Variants in PKD1L1 observed in about 807,000 individuals in gnomAD.
The protein encoded by PKD1L1 is polycystin 1 like 1, transient receptor potential channel interacting, also known as polycystin-1-like protein 1.
In PKD1L1, 236 loss-of-function variants were observed where a neutral mutation model predicts 323.4. The ratio of observed to expected loss-of-function variants is 0.73; its 90% confidence interval spans 0.66 to 0.81. The LOEUF (loss-of-function observed/expected upper bound fraction) is 0.81. PKD1L1 is among the 40% of genes least tolerant of loss of function. The pLI, the probability that PKD1L1 is intolerant of heterozygous loss-of-function variation, is 0.00. For missense variants in PKD1L1, 3,320 were observed against 3,508.0 expected (o/e 0.95, Z 1.35); for synonymous variants, 1,344 against 1,335.0 (o/e 1.01, Z -0.15).
the PKD1L1 span, chr7:47,957,068 A>AT: frequency 2.3e-4 from 35 of 154,132 alleles, no homozygotes; most frequent in Non-Finnish European, 4.1e-4. Flanking sequence ...ACTGCAAGAC[A>AT]TTTGCTTTTG....
chr7:47,813,852 C>A, intron 48 of PKD1L1, 79 bp downstream of exon 48: 1 of 1,226,286 alleles, frequency 8.2e-7, no homozygotes, highest in African/African-American at 1.5e-5. Flanking sequence ...AAATGATCTG[C>A]CAGGGTCCTG....
intron 4 of PKD1L1, among the ~76,000 whole-genome samples, chr7:47,934,164 T>C (rs1245374299): frequency 6.6e-6 from 1 of 152,250 alleles, no homozygotes; most frequent in Non-Finnish European, 1.5e-5. Context: ...CATCAGCCTG[T>C]GTGCCCGCAG....
chr7:47,852,881 C>T (rs1201886944), intron 31 of PKD1L1, among the ~76,000 whole-genome samples: 2 of 152,072 alleles, frequency 1.3e-5, no homozygotes, highest in Non-Finnish European at 2.9e-5. Flanking sequence ...GCGCCAGAGA[C>T]CACCTGGGAA....
At chr7:47,901,477 G>T (rs1787088334) in intron 13 of PKD1L1, among the ~76,000 whole-genome samples, 1 of 152,142 alleles carries the variant, frequency 6.6e-6, no homozygotes, top group South Asian at 2.1e-4. Context: ...GCAGAGTCAG[G>T]ACGGGAGCCA....
At chr7:47,943,852 C>G (rs1239301669) in intron 1 of PKD1L1, among the ~76,000 whole-genome samples, 1 of 152,162 alleles carries the variant, frequency 6.6e-6, no homozygotes, top group Non-Finnish European at 1.5e-5. Context: ...GCTTCCAGGG[C>G]TCCTCTTCCT....
chr7:47,833,364 CG>C, intron 40 of PKD1L1, 112 bp from the exon 41 acceptor site: 1 of 1,262,700 alleles, frequency 7.9e-7, no homozygotes, highest in African/African-American at 1.5e-5. Context: ...CTGGCATGGG[CG>C]GGGTGTGGTG....
intron 4 of PKD1L1, among the ~76,000 whole-genome samples, chr7:47,932,759 T>C (rs1433548306): frequency 2.6e-5 from 4 of 152,174 alleles, no homozygotes; most frequent in African/African-American, 9.7e-5. Context: ...ATGGCTCCAA[T>C]GAGGTGAGTG....
chr7:47,855,003 G>A lies in PKD1L1; in HGVS notation c.4738C>T (p.Arg1580Trp), dbSNP rs762682035. ...RRNKTTFVLLRDKVNLHQFTE... is the reference protein window; with the variant it reads ...RRNKTTFVLLWDKVNLHQFTE... ...AACTGATGGAGATTCACTTTATCCC[G>A]AAGTAATACAAATGTCGTTTTATTT... is the stretch of plus-strand genomic sequence containing the variant. Residue 1580 changes from arginine to tryptophan, a missense_variant, in exon 30 of 57, where the codon CGG becomes TGG. Physicochemically the swap from Arg to Trp is moderately radical, Grantham distance 101. Transcript: ENST00000289672. 1.9e-5 allele frequency: 31 copies of A among 1,613,484 alleles called. No individual in the cohort carries two copies. The highest frequency in any genetic ancestry group is 2.4e-5 in the Non-Finnish European group (28 of 1,179,930).
At chr7:47,832,657 G>T (rs35781192) in intron 41 of PKD1L1, among the ~76,000 whole-genome samples, 21,645 of 152,088 alleles carry the variant, frequency 0.14, 1,793 homozygotes, top group African/African-American at 0.21. Flanking sequence ...CCATCATTTG[G>T]CCACCCTCCT....
the PKD1L1 span, among the ~76,000 whole-genome samples, chr7:47,957,860 A>ATATATATAT: frequency 1.4e-3 from 179 of 124,170 alleles, 3 homozygotes; most frequent in African/African-American, 2.8e-3. Context: ...CAATTAAAAA[A>ATATATATAT]AAATATATAT....
At chr7:47,914,970 C>T (rs904341057) in intron 8 of PKD1L1, among the ~76,000 whole-genome samples, 7 of 152,200 alleles carry the variant, frequency 4.6e-5, no homozygotes, top group African/African-American at 1.4e-4. Flanking sequence ...GCCATAAAGA[C>T]AACATCAGGA....
chr7:47,787,225 C>G (rs1346107548), intron 56 of PKD1L1, among the ~76,000 whole-genome samples: 3 of 152,178 alleles, frequency 2.0e-5, no homozygotes, highest in Non-Finnish European at 4.4e-5. Context: ...GCCAGCTAAA[C>G]TCATGTTGCA....
chr7:47,953,900 T>G, the PKD1L1 span, among the ~76,000 whole-genome samples: 1 of 152,196 alleles, frequency 6.6e-6, no homozygotes, highest in Non-Finnish European at 1.5e-5. Flanking sequence ...TGGTTCTCAC[T>G]TCTGTCTGGT....
intron 8 of PKD1L1, among the ~76,000 whole-genome samples, chr7:47,914,761 T>A (rs1787393521): frequency 6.7e-6 from 1 of 149,280 alleles, no homozygotes; most frequent in Non-Finnish European, 1.5e-5. Flanking sequence ...CCCCCCAACA[T>A]CCCCTCTCCC....
At chr7:47,874,440 C>T (rs760007256) in intron 23 of PKD1L1, among the ~76,000 whole-genome samples, 2 of 152,170 alleles carry the variant, frequency 1.3e-5, no homozygotes, top group African/African-American at 4.8e-5. Context: ...ATAGAAAGAT[C>T]GACGCCCAGG....
At chr7:47,819,979 A>G (rs1240074958) in intron 46 of PKD1L1, 1 of 212,922 alleles carries the variant, frequency 4.7e-6, no homozygotes, top group Non-Finnish European at 9.2e-6. Context: ...AATATTCACC[A>G]GAGTAAATAA....
At chr7:47,820,684 G>A (rs374950098) in intron 46 of PKD1L1, among the ~76,000 whole-genome samples, 1 of 151,884 alleles carries the variant, frequency 6.6e-6, no homozygotes, top group East Asian at 1.9e-4. Flanking sequence ...CTGAGATGGC[G>A]CCATTGCACT....
chr7:47,905,795 T>A, intron 10 of PKD1L1, 48 bp downstream of exon 10: 1 of 1,604,778 alleles, frequency 6.2e-7, no homozygotes, highest in Non-Finnish European at 8.5e-7. Context: ...CTCAGCTGAC[T>A]GCGCGAGGGA....
At chr7:47,851,141 G>A (rs1420249844) in intron 31 of PKD1L1, among the ~76,000 whole-genome samples, 1 of 152,144 alleles carries the variant, frequency 6.6e-6, no homozygotes, top group Non-Finnish European at 1.5e-5. Flanking sequence ...ATAGCAATGA[G>A]CAAATGTGAT....
Sources: allele counts gnomAD v4.1 joint callset (sites outside exome capture counted in the v4.1 genomes callset), GRCh38; gene constraint gnomAD v4.1.1; transcripts MANE v1.5; gene names NCBI Gene and HGNC (gene_info 2026-07-23, HGNC 2026-07-21).